DCAF17: variants seen among roughly 807,000 people sequenced by gnomAD.
DCAF17 encodes the protein DDB1 and CUL4 associated factor 17.
Under a neutral mutation model 66.0 loss-of-function variants are expected in DCAF17, and 48 were observed. The ratio of observed to expected loss-of-function variants is 0.73; its 90% CI spans 0.58 to 0.92. DCAF17 has a LOEUF of 0.92. Ranked by LOEUF, DCAF17 falls within the 40% of genes least tolerant of loss-of-function variation. The pLI is 0.00. For missense variants in DCAF17, 562 were observed against 622.8 expected, an observed-to-expected ratio of 0.90 and a Z score of 1.04; for synonymous variants, 206 against 214.6, an observed-to-expected ratio of 0.96 and a Z score of 0.35.
intron 3 of DCAF17, chr2:171,447,250 G>A (rs923632617): frequency 5.8e-6 from 1 of 171,800 alleles, no homozygotes; most frequent in Non-Finnish European, 1.3e-5. Context: ...ACATTTGAAA[G>A]GCAAGACAAA....
chr2:171,457,220 A>G (rs1695310429), intron 6 of DCAF17, among the ~76,000 whole-genome samples: 1 of 152,226 alleles, frequency 6.6e-6, no homozygotes, highest in Admixed American at 6.5e-5. Context: ...CTGTGCCTGT[A>G]GGTTAAGTAC....
intron 11 of DCAF17, 124 bp downstream of exon 11, chr2:171,477,074 A>G: frequency 1.4e-6 from 1 of 739,422 alleles, no homozygotes; most frequent in South Asian, 1.7e-5. Context: ...AAAAGTCTGT[A>G]CATTTTGTCT....
intron 3 of DCAF17, among the ~76,000 whole-genome samples, chr2:171,446,374 C>T (rs1328363068): frequency 2.6e-5 from 4 of 151,928 alleles, no homozygotes; most frequent in Non-Finnish European, 5.9e-5. Context: ...AGTGAAACCC[C>T]GTCTCTACTA....
At chr2:171,444,967 T>C (rs1335834032) in intron 3 of DCAF17, among the ~76,000 whole-genome samples, 1 of 152,180 alleles carries the variant, frequency 6.6e-6, no homozygotes, top group Non-Finnish European at 1.5e-5. Flanking sequence ...CTTCAACTCC[T>C]TATTGAAAGC....
At position 171,482,735 on chromosome 2, in the gene DCAF17, T is replaced by C; in HGVS notation, c.*1621T>C. 2.2e-6 allele frequency: 1 copy of C among 452,430 alleles called. No individual in the cohort carries two copies. The highest frequency in any genetic ancestry group is 1.6e-5 in the South Asian group (1 of 64,174). 28.0% of individuals were successfully genotyped at this position (452,430 alleles called of 1,614,324 possible). ...AAGTCATCACCTTCCTTTTATGAAA[T>C]GATAGTAAGGAACTCGTCTATTCTG... On this transcript the variant is annotated 3_prime_UTR_variant, in exon 14 of 14. Transcript: ENST00000375255.
intron 9 of DCAF17, among the ~76,000 whole-genome samples, chr2:171,470,492 C>T (rs886697426): frequency 2.6e-5 from 4 of 152,266 alleles, no homozygotes; most frequent in Middle Eastern, 3.4e-3. Flanking sequence ...AATGTGTCTT[C>T]TAGTTTTCTT....
At chr2:171,458,980 G>A (rs1236714344) in intron 8 of DCAF17, among the ~76,000 whole-genome samples, 3 of 152,102 alleles carry the variant, frequency 2.0e-5, no homozygotes, top group East Asian at 1.9e-4. Context: ...TAGTAAAAAT[G>A]TTCTATATTT....
chr2:171,482,188 T>C lies in DCAF17; in HGVS notation c.*1074T>C, dbSNP rs1452801011. On this transcript the variant is annotated 3_prime_UTR_variant, in exon 14 of 14. Transcript: ENST00000375255. ...GGAGAAAATGTTTCTTTGTGCTTCCTGTTTGAGAAATTCAGTTGCTTCCAT... is the reference window on the plus strand; with the variant it reads ...GGAGAAAATGTTTCTTTGTGCTTCCCGTTTGAGAAATTCAGTTGCTTCCAT... The C allele has an allele frequency of 2.2e-6, 1 of 452,454 alleles. No individual in the cohort carries two copies. The highest frequency in any genetic ancestry group is 2.4e-5 in the Admixed American group (1 of 42,434). The allele number at this position is 452,454 out of a possible 1,614,324, so 28.0% of individuals were successfully genotyped here. A position where few individuals can be genotyped will look rare whatever the true frequency, so the allele number is the denominator to read the frequency against.
intron 10 of DCAF17, among the ~76,000 whole-genome samples, chr2:171,475,913 C>T (rs925529570): frequency 3.9e-5 from 6 of 152,084 alleles, no homozygotes; most frequent in Admixed American, 1.3e-4. Context: ...ACTGTGGTTC[C>T]GCTTCAGTAA....
chr2:171,478,895 T>G (rs1007974475), intron 12 of DCAF17, among the ~76,000 whole-genome samples: 6 of 152,142 alleles, frequency 3.9e-5, no homozygotes, highest in Admixed American at 6.5e-5. Flanking sequence ...TCCAGAAAGA[T>G]GTACTAAAAT....
intron 2 of DCAF17, chr2:171,443,053 G>C (rs1694399999): frequency 6.6e-6 from 1 of 151,214 alleles, no homozygotes; most frequent in Non-Finnish European, 1.5e-5. Context: ...AACCATAAAG[G>C]GTTTTTTGTT....
At chr2:171,443,287 C>A in intron 2 of DCAF17, 2 of 385,378 alleles carry the variant, frequency 5.2e-6, no homozygotes, top group Non-Finnish European at 9.4e-6. Context: ...GGAAATGAAC[C>A]AAAATGTTAA....
chr2:171,470,646 C>T (rs570329676), intron 9 of DCAF17, among the ~76,000 whole-genome samples: 1 of 152,290 alleles, frequency 6.6e-6, no homozygotes, highest in East Asian at 1.9e-4. Context: ...TGATTGGTCA[C>T]CTCCCAGTGA....
At chr2:171,448,945 T>C in intron 4 of DCAF17, 128 bp downstream of exon 4, 1 of 803,960 alleles carries the variant, frequency 1.2e-6, no homozygotes, top group Middle Eastern at 3.7e-4. Flanking sequence ...AATAAACCTA[T>C]TTTCTTTTTC....
chr2:171,469,386 G>A (rs955035974), intron 9 of DCAF17, among the ~76,000 whole-genome samples: 3 of 152,186 alleles, frequency 2.0e-5, no homozygotes, highest in African/African-American at 7.2e-5. Context: ...TGTTGGTTCT[G>A]CTTCTCCACG....
intron 7 of DCAF17, 23 bp from the exon 8 acceptor site, chr2:171,458,349 T>C: frequency 6.3e-7 from 1 of 1,588,306 alleles, no homozygotes; most frequent in Non-Finnish European, 8.6e-7. Flanking sequence ...AAAGCCACCA[T>C]TTTTGTTTTG....
chr2:171,457,474 T>G (rs548001768), intron 6 of DCAF17, among the ~76,000 whole-genome samples: 20 of 152,318 alleles, frequency 1.3e-4, no homozygotes, highest in African/African-American at 4.8e-4. Flanking sequence ...TATTGTTACT[T>G]GGGATTGAAG....
Position 171,484,669 on chromosome 2 carries a change from T to A in DCAF17, c.*3555T>A, listed in dbSNP as rs1410621774. On this transcript the variant is annotated 3_prime_UTR_variant, in exon 14 of 14. Coordinates refer to ENST00000375255, the MANE Select transcript of DCAF17 (RefSeq NM_025000.4). ...GAGTTCTTGCAGACATATACACCTG[T>A]GTAACCCAAACCCTTTCCAAAATTT... 1 of 454,062 alleles carries A rather than the reference T, an allele frequency of 2.2e-6. No individual in the cohort carries two copies. Among genetic ancestry groups the A allele is most frequent in the African/African-American group, 2.0e-5 (1 of 50,136 alleles). The allele number at this position is 454,062 out of a possible 1,614,324, so 28.1% of individuals were successfully genotyped here. A position where few individuals can be genotyped will look rare whatever the true frequency, so the allele number is the denominator to read the frequency against.
intron 3 of DCAF17, 90 bp downstream of exon 3, chr2:171,443,703 C>A: frequency 2.0e-6 from 2 of 1,012,244 alleles, no homozygotes; most frequent in Non-Finnish European, 3.1e-6. Context: ...AATAATACAA[C>A]TTAAATATCA....
Sources: gnomAD v4.1 joint callset for allele counts (sites outside exome capture counted in the v4.1 genomes callset) on GRCh38, gnomAD v4.1.1 for gene constraint, MANE v1.5 for transcripts, NCBI Gene and HGNC (gene_info 2026-07-23, HGNC 2026-07-21) for gene names.